STK32A: variants seen among roughly 807,000 people sequenced by gnomAD.
The protein encoded by STK32A is serine/threonine kinase 32A.
A neutral mutation model predicts 53.2 loss-of-function variants in STK32A; 41 were observed. The ratio of observed to expected loss-of-function variants is 0.77; its 90% CI spans 0.60 to 1.00. STK32A has a LOEUF of 1.00. Ranked by LOEUF, STK32A falls within the 50% of genes least tolerant of loss-of-function variation. The pLI, the probability that STK32A is intolerant of heterozygous loss-of-function variation, is 0.00. For missense variants in STK32A, 458 were observed against 485.8 expected, an observed-to-expected ratio of 0.94 and a Z score of 0.54; for synonymous variants, 166 against 162.8, an observed-to-expected ratio of 1.02 and a Z score of -0.15.
the STK32A span, chr5:147,393,183 G>A: frequency 2.0e-5 from 3 of 152,270 alleles, no homozygotes; most frequent in African/African-American, 7.2e-5. Context: ...CACCACGTGG[G>A]CCTGTGCTAT....
In STK32A at chr5:147,279,130, T is replaced by C. The variant is rs141636707; in HGVS notation, c.109-117T>C. 2.5e-4 allele frequency: 223 copies of C among 899,360 alleles called. 1 individual carries two copies. The African/African-American group carries it at 3.5e-3, about 14-fold the overall frequency. 55.7% of individuals were successfully genotyped at this position (899,360 alleles called of 1,614,324 possible). ...AGCTAAGTGGGAGCTTTTAACATCA[T>C]ATAATTTGCAAATGTTAAGGATCCA... On this transcript the variant is annotated intron_variant, in intron 3 of 12. Coordinates refer to ENST00000397936, the MANE Select transcript of STK32A (RefSeq NM_001112724.2).
At chr5:147,260,295 GTCTCTC>G (rs71001423) in intron 2 of STK32A, among the ~76,000 whole-genome samples, 2 of 117,318 alleles carry the variant, frequency 1.7e-5, no homozygotes, top group Non-Finnish European at 3.6e-5. Context: ...TCTCTCGCCT[GTCTCTC>G]TCTCTCTCTC....
At chr5:147,318,727 G>C (rs555229809) in intron 4 of STK32A, among the ~76,000 whole-genome samples, 5 of 150,496 alleles carry the variant, frequency 3.3e-5, no homozygotes, top group African/African-American at 1.2e-4. Context: ...AGTGAGCTAT[G>C]ACTGTGCCAC....
rs545636022 is a variant in STK32A at position 147,260,941 on chromosome 5, T to A, written c.53-17183T>A. ...GAATTTGACCACCAAGGAAGCACTT[T>A]ACCGGCTGCCGCGGCTTCTCCTTCC... On this transcript the variant is annotated intron_variant, in intron 2 of 12. Coordinates refer to ENST00000397936, the MANE Select transcript of STK32A (RefSeq NM_001112724.2). Among the ~76,000 whole-genome samples, 6 of 152,362 alleles carry A rather than the reference T, an allele frequency of 3.9e-5. No individual in the cohort carries two copies. In the East Asian group the frequency reaches 9.7e-4, roughly 25 times the overall value.
At chr5:147,262,391 C>A (rs1754615602) in intron 2 of STK32A, among the ~76,000 whole-genome samples, 1 of 151,438 alleles carries the variant, frequency 6.6e-6, no homozygotes, top group South Asian at 2.1e-4. Context: ...TTAAAGGTCA[C>A]AAAGCCAGTG....
intron 2 of STK32A, among the ~76,000 whole-genome samples, chr5:147,262,855 C>T (rs189364792): frequency 9.2e-5 from 14 of 152,254 alleles, no homozygotes; most frequent in African/African-American, 3.1e-4. Flanking sequence ...CAGACCCATG[C>T]CGTAGAACCC....
rs955787285 is a variant in STK32A, at chr5:147,240,387, A to T, written c.52+701A>T. ...GAAAAAAATGCCCCAAGCCCCAGGT[A>T]GTAAGTTGTCCAGACCTCTGAGAGG... On this transcript the variant is annotated intron_variant, in intron 2 of 12. Coordinates refer to ENST00000397936, the MANE Select transcript of STK32A (RefSeq NM_001112724.2). 2.0e-5 allele frequency among the ~76,000 whole-genome samples: 3 copies of T among 152,154 alleles called. No individual in the cohort carries two copies. The South Asian group carries it at 6.2e-4, about 32-fold the overall frequency.
chr5:147,363,695 C>A (rs1340838165), intron 8 of STK32A, among the ~76,000 whole-genome samples: 1 of 152,170 alleles, frequency 6.6e-6, no homozygotes, highest in African/African-American at 2.4e-5. Flanking sequence ...CTAGTATAAT[C>A]CCATCTTTAT....
At chr5:147,336,676 A>G (rs780592324) in intron 5 of STK32A, among the ~76,000 whole-genome samples, 1 of 152,174 alleles carries the variant, frequency 6.6e-6, no homozygotes, top group Non-Finnish European at 1.5e-5. Context: ...CTAGTCTTTA[A>G]TCATCTAACC....
At chr5:147,283,866 A>G (rs1752189484) in intron 4 of STK32A, among the ~76,000 whole-genome samples, 1 of 152,092 alleles carries the variant, frequency 6.6e-6, no homozygotes, top group African/African-American at 2.4e-5. Context: ...CAGACATTCA[A>G]AGAAGAATTG....
intron 5 of STK32A, among the ~76,000 whole-genome samples, chr5:147,335,081 A>G (rs1486979661): frequency 6.6e-6 from 1 of 152,202 alleles, no homozygotes; most frequent in East Asian, 1.9e-4. Context: ...TCCCTCTCTC[A>G]AAGCATCTGA....
chr5:147,259,739 T>C (rs1343302510), intron 2 of STK32A, among the ~76,000 whole-genome samples: 1 of 152,074 alleles, frequency 6.6e-6, no homozygotes, highest in Non-Finnish European at 1.5e-5. Flanking sequence ...GACTCCCTCT[T>C]TGTAGCTCTG....
chr5:147,284,123 C>T (rs999588198), intron 4 of STK32A, among the ~76,000 whole-genome samples: 1 of 152,050 alleles, frequency 6.6e-6, no homozygotes, highest in Non-Finnish European at 1.5e-5. Context: ...TTAACATACA[C>T]AAGTCAATAA....
chr5:147,371,634 C>A (rs1476007706), intron 9 of STK32A, among the ~76,000 whole-genome samples: 1 of 152,170 alleles, frequency 6.6e-6, no homozygotes, highest in Non-Finnish European at 1.5e-5. Context: ...AAGTAAAGAA[C>A]TTGAGAGAAG....
intron 5 of STK32A, among the ~76,000 whole-genome samples, chr5:147,333,570 A>G (rs900978671): frequency 9.9e-5 from 15 of 152,196 alleles, no homozygotes; most frequent in Non-Finnish European, 1.8e-4. Context: ...TTGTTTTATC[A>G]GTAAAATGAA....
intron 1 of STK32A, among the ~76,000 whole-genome samples, chr5:147,238,212 G>A (rs537575773): frequency 2.6e-5 from 4 of 152,162 alleles, no homozygotes; most frequent in Non-Finnish European, 5.9e-5. Flanking sequence ...TGAAGATCTG[G>A]GCTCATGTTT....
chr5:147,260,371 T>C (rs928491019), intron 2 of STK32A, among the ~76,000 whole-genome samples: 2 of 151,342 alleles, frequency 1.3e-5, no homozygotes, highest in African/African-American at 2.4e-5. Flanking sequence ...TCCTTGCCTC[T>C]GCCAGCTGCT....
intron 2 of STK32A, among the ~76,000 whole-genome samples, chr5:147,263,171 T>A (rs550906352): frequency 4.6e-5 from 7 of 152,300 alleles, no homozygotes; most frequent in African/African-American, 1.4e-4. Context: ...CTGATAATAC[T>A]GGCAGCCAAG....
chr5:147,348,726 T>A, intron 6 of STK32A: 1 of 773,542 alleles, frequency 1.3e-6, no homozygotes, highest in South Asian at 1.4e-5. Context: ...CCCACTGAAT[T>A]GGAGTTTCAG....
Sources: gnomAD v4.1 joint callset for allele counts (sites outside exome capture counted in the v4.1 genomes callset) on GRCh38, gnomAD v4.1.1 for gene constraint, MANE v1.5 for transcripts, NCBI Gene and HGNC (gene_info 2026-07-23, HGNC 2026-07-21) for gene names.